The following STXBP5L variants were observed in gnomAD, a reference collection of about 807,000 sequenced individuals.
STXBP5L encodes syntaxin binding protein 5L.
Under a neutral mutation model 144.5 loss-of-function variants are expected in STXBP5L, and 65 were observed. The observed-to-expected ratio is 0.45, with a 90% CI of 0.37 to 0.55. The LOEUF is 0.55. STXBP5L is among the 20% of genes least tolerant of loss of function. The pLI, the probability that STXBP5L is intolerant of heterozygous loss-of-function variation, is 0.00. For synonymous variants in STXBP5L, 505 were observed against 469.6 expected, an observed-to-expected ratio of 1.08 and a Z score of -0.97; for missense variants, 1,298 against 1,405.5, an observed-to-expected ratio of 0.92 and a Z score of 1.22.
chr3:121,211,949 C>T (rs1029605574), intron 10 of STXBP5L, among the ~76,000 whole-genome samples: 4 of 152,128 alleles, frequency 2.6e-5, no homozygotes, highest in African/African-American at 9.7e-5. Context: ...TTTTGATTTG[C>T]ATTTCTCTAA....
In STXBP5L at chr3:121,122,919, A is replaced by G. The variant is rs566463962; in HGVS notation, c.669+1215A>G. Among the ~76,000 whole-genome samples, 4 of 151,680 alleles carry G rather than the reference A, an allele frequency of 2.6e-5. No homozygotes were observed. In the South Asian group the frequency reaches 8.3e-4, roughly 31 times the overall value. On this transcript the variant is annotated intron_variant, in intron 7 of 26. Transcript: ENST00000471454. ...CAAAAATAATGAACATGTAAAATAT[A>G]TAAAGAACTTGTACTAAATCCTCAT...
rs995612001 is a variant in STXBP5L at position 121,415,907 on chromosome 3, C to T, written c.3165C>T (p.Asn1055=). The change falls in exon 25 of 27, where the codon AAC becomes AAT. Residue 1055 remains asparagine, a synonymous_variant. Transcript: ENST00000471454. ...CCATAGAGACACCAGAAGCTCAAAA[C>T]AGAGGCTTTCTCAAGGGACTGTTTG... ...FTPIETPEAQ[N]RGFLKGLFGG... 6.2e-7 allele frequency: 1 copy of T among 1,613,482 alleles called. No homozygotes were observed. Among genetic ancestry groups the T allele is most frequent in the African/African-American group, 1.3e-5 (1 of 74,906 alleles).
At chr3:120,999,095 C>G (rs1943572880) in intron 3 of STXBP5L, among the ~76,000 whole-genome samples, 1 of 152,110 alleles carries the variant, frequency 6.6e-6, no homozygotes. Context: ...TTCTCTCACC[C>G]AGGCTGGAGT....
At chr3:121,360,049 A>ATATTATTACTATATAATATTTTATATT (rs2045663265) in intron 20 of STXBP5L, among the ~76,000 whole-genome samples, 1 of 145,536 alleles carries the variant, frequency 6.9e-6, no homozygotes, top group African/African-American at 2.5e-5. Context: ...TATAATATAT[A>ATATTATTACTATATAATATTTTATATT]GTAATAATAT....
chr3:121,004,405 C>T (rs1397463092), intron 3 of STXBP5L, among the ~76,000 whole-genome samples: 3 of 151,964 alleles, frequency 2.0e-5, no homozygotes, highest in Non-Finnish European at 4.4e-5. Context: ...GATTTTGTAT[C>T]CTGAGACTTT....
chr3:121,121,577 A>T (rs2107851713), intron 6 of STXBP5L, 64 bp from the exon 7 acceptor site: 2 of 1,151,364 alleles, frequency 1.7e-6, no homozygotes, highest in East Asian at 2.4e-5. Flanking sequence ...TCTTTGTTTC[A>T]GTCTCTAGTG....
intron 5 of STXBP5L, among the ~76,000 whole-genome samples, chr3:121,051,516 T>G (rs1402141536): frequency 9.9e-5 from 15 of 152,096 alleles, no homozygotes; most frequent in Admixed American, 9.2e-4. Context: ...AAGACAGAAA[T>G]AAAGATGTTC....
At chr3:121,290,729 C>T (rs2051407477) in intron 19 of STXBP5L, among the ~76,000 whole-genome samples, 1 of 152,102 alleles carries the variant, frequency 6.6e-6, no homozygotes, top group Non-Finnish European at 1.5e-5. Context: ...GGTTTCATAC[C>T]AGGGATGCAG....
intron 14 of STXBP5L, among the ~76,000 whole-genome samples, chr3:121,246,847 T>C (rs1046762515): frequency 1.3e-5 from 2 of 152,268 alleles, no homozygotes; most frequent in African/African-American, 4.8e-5. Flanking sequence ...AGATATTATG[T>C]GGGTTCCACT....
intron 22 of STXBP5L, among the ~76,000 whole-genome samples, chr3:121,381,954 A>G (rs1483589176): frequency 6.6e-6 from 1 of 152,102 alleles, no homozygotes; most frequent in Non-Finnish European, 1.5e-5. Context: ...CCTAAGGTGG[A>G]TTTCTAAAGA....
intron 25 of STXBP5L, among the ~76,000 whole-genome samples, chr3:121,417,302 A>G (rs2047261107): frequency 1.3e-5 from 2 of 152,290 alleles, no homozygotes; most frequent in Admixed American, 1.3e-4. Context: ...TGCACTTTAA[A>G]TGGATAAATG....
intron 2 of STXBP5L, among the ~76,000 whole-genome samples, chr3:120,944,974 T>C (rs772660720): frequency 2.4e-4 from 37 of 151,984 alleles, no homozygotes; most frequent in Non-Finnish European, 4.7e-4. Flanking sequence ...ACAAGCATCA[T>C]TGAAATTGAG....
chr3:121,230,969 A>G (rs1036793349), intron 11 of STXBP5L, among the ~76,000 whole-genome samples: 38 of 152,196 alleles, frequency 2.5e-4, no homozygotes, highest in Non-Finnish European at 4.4e-5. Flanking sequence ...TCTCTTTTCT[A>G]CATTAGATTA....
chr3:121,109,035 T>C (rs751981495), intron 5 of STXBP5L, among the ~76,000 whole-genome samples: 3 of 151,506 alleles, frequency 2.0e-5, no homozygotes, highest in Non-Finnish European at 4.4e-5. Flanking sequence ...TAAACTAATT[T>C]ATTTGTTTAT....
chr3:121,053,433 T>C (rs1461054228), intron 5 of STXBP5L, among the ~76,000 whole-genome samples: 4 of 152,178 alleles, frequency 2.6e-5, no homozygotes, highest in Admixed American at 1.3e-4. Flanking sequence ...TCAGAAATAA[T>C]TCTGCATATC....
At chr3:121,210,206 G>A (rs1418280293) in intron 10 of STXBP5L, among the ~76,000 whole-genome samples, 1 of 152,130 alleles carries the variant, frequency 6.6e-6, no homozygotes, top group Non-Finnish European at 1.5e-5. Context: ...ATTTTTTCAT[G>A]TGTCTTTTGG....
chr3:121,249,151 T>C lies in STXBP5L; in HGVS notation c.1401-1572T>C, dbSNP rs542453136. ...GTTTCATATGAAATTTTGAATAGTT[T>C]TTTTTTCTACTTCTGTGAGGAATGA... On this transcript the variant is annotated intron_variant, in intron 14 of 26. Transcript: ENST00000471454. Among the ~76,000 whole-genome samples, 114 of 152,276 alleles carry C rather than the reference T, an allele frequency of 7.5e-4. 1 individual carries two copies. Among genetic ancestry groups the C allele is most frequent in the African/African-American group, 2.6e-3 (108 of 41,564 alleles).
At chr3:121,320,720 T>A (rs914940588) in intron 20 of STXBP5L, among the ~76,000 whole-genome samples, 2 of 145,748 alleles carry the variant, frequency 1.4e-5, no homozygotes, top group East Asian at 2.0e-4. Flanking sequence ...TTTTTTTTTT[T>A]AGACGGAGTC....
intron 19 of STXBP5L, among the ~76,000 whole-genome samples, chr3:121,300,734 A>C (rs879944819): frequency 6.6e-6 from 1 of 152,074 alleles, no homozygotes; most frequent in African/African-American, 2.4e-5. Flanking sequence ...AACAAACAAA[A>C]AAAAGAACTG....
Sources: gnomAD v4.1 joint callset for allele counts (sites outside exome capture counted in the v4.1 genomes callset) on GRCh38, gnomAD v4.1.1 for gene constraint, MANE v1.5 for transcripts, NCBI Gene and HGNC (gene_info 2026-07-23, HGNC 2026-07-21) for gene names.